TENM3: variants seen among roughly 807,000 people sequenced by gnomAD.
The protein encoded by TENM3 is teneurin transmembrane protein 3.
Under a neutral mutation model 255.1 loss-of-function variants are expected in TENM3, and 63 were observed. The ratio of observed to expected loss-of-function variants is 0.25; its 90% CI spans 0.20 to 0.30. The LOEUF is 0.30. Ranked by LOEUF, TENM3 falls within the 10% of genes least tolerant of loss-of-function variation. The pLI is 1.00. For synonymous variants in TENM3, 1,306 were observed against 1,322.3 expected (o/e 0.99, Z 0.27); for missense variants, 2,929 against 3,461.1 (o/e 0.85, Z 3.86).
chr4:182,360,722 T>C lies in TENM3; in HGVS notation c.511+13793T>C, dbSNP rs1181914935. On this transcript the variant is annotated intron_variant, in intron 3 of 27. Transcript: ENST00000511685. ...AATTGGAGCATTTAGTCCATTTACATTTAAAGTTAATATTGTTATGTGTGA... is the reference window on the plus strand; with the variant it reads ...AATTGGAGCATTTAGTCCATTTACACTTAAAGTTAATATTGTTATGTGTGA... Among the ~76,000 whole-genome samples, 6 of 152,120 alleles carry C rather than the reference T, an allele frequency of 3.9e-5. No individual in the cohort carries two copies. The East Asian group carries it at 9.6e-4, about 24-fold the overall frequency.
the TENM3 span, among the ~76,000 whole-genome samples, chr4:181,695,925 C>CTT: frequency 7.6e-5 from 11 of 144,740 alleles, no homozygotes; most frequent in East Asian, 6.0e-4. Flanking sequence ...AGAGGAAAGA[C>CTT]TTTTTTTTTT....
At chr4:182,016,365 C>CT in the TENM3 span, among the ~76,000 whole-genome samples, 1 of 152,160 alleles carries the variant, frequency 6.6e-6, no homozygotes, top group Non-Finnish European at 1.5e-5. Context: ...CACAGTATTG[C>CT]TTTCATCTTC....
intron 3 of TENM3, among the ~76,000 whole-genome samples, chr4:182,580,361 C>T (rs975973248): frequency 5.9e-5 from 9 of 152,116 alleles, no homozygotes; most frequent in South Asian, 2.1e-4. Flanking sequence ...GTCTCATGTA[C>T]GACATTATCT....
chr4:181,816,144 CAT>C, the TENM3 span, among the ~76,000 whole-genome samples: 2 of 152,164 alleles, frequency 1.3e-5, no homozygotes, highest in South Asian at 4.1e-4. Flanking sequence ...CGTTTCCACT[CAT>C]AGTGGCCTCA....
chr4:182,513,633 A>G (rs1280113568), intron 3 of TENM3, among the ~76,000 whole-genome samples: 1 of 152,204 alleles, frequency 6.6e-6, no homozygotes, highest in African/African-American at 2.4e-5. Flanking sequence ...ATATTACTGC[A>G]ATAATTCAGG....
At chr4:181,529,340 T>G in the TENM3 span, among the ~76,000 whole-genome samples, 1 of 152,196 alleles carries the variant, frequency 6.6e-6, no homozygotes, top group African/African-American at 2.4e-5. Flanking sequence ...ATGAGAGAAC[T>G]GCTCTTGGGC....
At chr4:182,708,346 AAATTTAGG>A (rs1479265831) in intron 12 of TENM3, among the ~76,000 whole-genome samples, 2 of 151,836 alleles carry the variant, frequency 1.3e-5, no homozygotes, top group African/African-American at 4.8e-5. Flanking sequence ...CCAGAGCTAG[AAATTTAGG>A]AATCATTAAT....
At chr4:182,497,835 C>G (rs1022877562) in intron 3 of TENM3, among the ~76,000 whole-genome samples, 2 of 132,738 alleles carry the variant, frequency 1.5e-5, no homozygotes, top group Non-Finnish European at 3.1e-5. Context: ...TACCCCATCT[C>G]TACTAAAAAT....
the TENM3 span, among the ~76,000 whole-genome samples, chr4:181,743,147 G>A: frequency 6.6e-6 from 1 of 152,028 alleles, no homozygotes; most frequent in Non-Finnish European, 1.5e-5. Context: ...ACGTGTGCAT[G>A]TGTCTTTATA....
At chr4:181,845,666 C>G in the TENM3 span, among the ~76,000 whole-genome samples, 1 of 152,166 alleles carries the variant, frequency 6.6e-6, no homozygotes, top group Non-Finnish European at 1.5e-5. Context: ...GTCTTTGCAC[C>G]ACATGACTGG....
At chr4:181,556,945 A>G in the TENM3 span, among the ~76,000 whole-genome samples, 1 of 152,116 alleles carries the variant, frequency 6.6e-6, no homozygotes, top group African/African-American at 2.4e-5. Context: ...ATTTCATATA[A>G]TATTATCTCT....
the TENM3 span, among the ~76,000 whole-genome samples, chr4:181,544,015 G>C: frequency 6.6e-6 from 1 of 151,998 alleles, no homozygotes; most frequent in Non-Finnish European, 1.5e-5. Flanking sequence ...TTAAACATGT[G>C]GTGAGAACAG....
At chr4:181,513,591 G>A in the TENM3 span, among the ~76,000 whole-genome samples, 1 of 152,106 alleles carries the variant, frequency 6.6e-6, no homozygotes, top group Non-Finnish European at 1.5e-5. Context: ...AGAAAGACGG[G>A]AACAATAAGA....
At chr4:182,520,739 T>C (rs996015296) in intron 3 of TENM3, among the ~76,000 whole-genome samples, 2 of 152,218 alleles carry the variant, frequency 1.3e-5, no homozygotes, top group African/African-American at 2.4e-5. Context: ...TAGGCTTGTA[T>C]CTTCTAGAGA....
chr4:181,557,262 A>G, the TENM3 span, among the ~76,000 whole-genome samples: 39 of 152,304 alleles, frequency 2.6e-4, no homozygotes, highest in East Asian at 6.2e-3. Context: ...AACAAGGTCA[A>G]TGGGTCACAA....
intron 7 of TENM3, among the ~76,000 whole-genome samples, chr4:182,678,390 T>A (rs1755824273): frequency 6.6e-6 from 1 of 152,222 alleles, no homozygotes; most frequent in African/African-American, 2.4e-5. Context: ...GTTACTGCCA[T>A]CCTTTCAGAA....
intron 3 of TENM3, among the ~76,000 whole-genome samples, chr4:182,352,411 A>C (rs189463317): frequency 6.1e-4 from 93 of 152,260 alleles, no homozygotes; most frequent in African/African-American, 2.0e-3. Context: ...TTTCCCTCAA[A>C]GGCATGTTAC....
chr4:181,775,878 T>G, the TENM3 span, among the ~76,000 whole-genome samples: 1 of 152,310 alleles, frequency 6.6e-6, no homozygotes, highest in Non-Finnish European at 1.5e-5. Flanking sequence ...ATTAGAGTAC[T>G]TAGGATATCA....
At chr4:182,440,777 G>C (rs540350694) in intron 3 of TENM3, among the ~76,000 whole-genome samples, 10 of 152,038 alleles carry the variant, frequency 6.6e-5, no homozygotes, top group Admixed American at 6.5e-4. Flanking sequence ...CACTTCTGCG[G>C]AAGACCGTGC....
Sources: allele counts gnomAD v4.1 joint callset (sites outside exome capture counted in the v4.1 genomes callset), GRCh38; gene constraint gnomAD v4.1.1; transcripts MANE v1.5; gene names NCBI Gene and HGNC (gene_info 2026-07-23, HGNC 2026-07-21).